The following NALF1 variants were observed in gnomAD, a reference collection of about 807,000 sequenced individuals.
NALF1 encodes family with sequence similarity 155 member A.
A neutral mutation model predicts 48.4 loss-of-function variants in NALF1; 3 were observed. That is an observed-to-expected ratio of 0.06 (90% CI 0.03 to 0.16). NALF1 has a LOEUF of 0.16. Ranked by LOEUF, NALF1 falls within the 10% of genes least tolerant of loss-of-function variation. The probability of loss-of-function intolerance (pLI) is 1.00; values close to 1 mark genes in which losing one functional copy is unlikely to be tolerated. For synonymous variants in NALF1, 262 were observed against 245.7 expected, an observed-to-expected ratio of 1.07 and a Z score of -0.62; for missense variants, 526 against 571.5, an observed-to-expected ratio of 0.92 and a Z score of 0.81.
intron 1 of NALF1, among the ~76,000 whole-genome samples, chr13:107,774,215 T>C (rs1265974203): frequency 6.6e-6 from 1 of 152,216 alleles, no homozygotes. Context: ...TATTTGTATT[T>C]AGGTGCATAG....
rs1453625040 is a variant in NALF1, at chr13:107,166,754, C to G, written c.*3743G>C. 6.6e-6 allele frequency: 1 copy of G among 152,050 alleles called. No individual in the cohort carries two copies. Among genetic ancestry groups the G allele is most frequent in the Non-Finnish European group, 1.5e-5 (1 of 68,006 alleles). The allele number at this position is 152,050 out of a possible 1,614,324, so 9.4% of individuals were successfully genotyped here. A position where few individuals can be genotyped will look rare whatever the true frequency, so the allele number is the denominator to read the frequency against. Reference sequence around the variant, plus strand: ...CTCCTTTCCCCCTCATTCCCCGACTCTATCCCTCCCTTCTTCCCTCCCTCC... The same window carrying G: ...CTCCTTTCCCCCTCATTCCCCGACTGTATCCCTCCCTTCTTCCCTCCCTCC... On this transcript the variant is annotated 3_prime_UTR_variant, in exon 3 of 3. Coordinates refer to ENST00000375915, the MANE Select transcript of NALF1 (RefSeq NM_001080396.3).
At chr13:107,420,747 T>C (rs145618730) in intron 1 of NALF1, among the ~76,000 whole-genome samples, 3 of 152,338 alleles carry the variant, frequency 2.0e-5, no homozygotes, top group African/African-American at 7.2e-5. Context: ...ATGTGCAATT[T>C]TGTTAAATCC....
intron 2 of NALF1, among the ~76,000 whole-genome samples, chr13:107,193,973 A>G (rs1180319362): frequency 6.6e-6 from 1 of 152,042 alleles, no homozygotes; most frequent in Non-Finnish European, 1.5e-5. Flanking sequence ...CCACCAATAC[A>G]TCTTTATATA....
At chr13:107,350,157 C>A (rs1882847916) in intron 1 of NALF1, among the ~76,000 whole-genome samples, 1 of 152,200 alleles carries the variant, frequency 6.6e-6, no homozygotes, top group Non-Finnish European at 1.5e-5. Context: ...TCCTAACAGG[C>A]CACGGACCAA....
intron 1 of NALF1, among the ~76,000 whole-genome samples, chr13:107,659,534 G>A (rs1003209787): frequency 6.6e-6 from 1 of 150,910 alleles, no homozygotes; most frequent in Non-Finnish European, 1.5e-5. Context: ...GAAACATACA[G>A]TAGTCTAACT....
intron 1 of NALF1, among the ~76,000 whole-genome samples, chr13:107,654,753 A>T (rs1222364577): frequency 1.3e-5 from 2 of 152,104 alleles, no homozygotes; most frequent in African/African-American, 2.4e-5. Context: ...TCCTCAATAA[A>T]ATACTAGCAA....
intron 1 of NALF1, among the ~76,000 whole-genome samples, chr13:107,569,443 G>A (rs1205872727): frequency 4.6e-5 from 7 of 151,892 alleles, no homozygotes; most frequent in African/African-American, 1.7e-4. Context: ...CCGCACTCCA[G>A]CCTGGGCGAC....
chr13:107,688,367 T>C (rs553156576), intron 1 of NALF1, among the ~76,000 whole-genome samples: 2 of 152,326 alleles, frequency 1.3e-5, no homozygotes, highest in Admixed American at 6.5e-5. Flanking sequence ...CACGGACATA[T>C]GGTAGGATTT....
intron 1 of NALF1, among the ~76,000 whole-genome samples, chr13:107,857,420 C>T (rs1880465654): frequency 6.6e-6 from 1 of 152,174 alleles, no homozygotes; most frequent in African/African-American, 2.4e-5. Context: ...TGACAGACGA[C>T]ATAACACAAA....
At chr13:107,533,072 T>TA (rs1319961914) in intron 1 of NALF1, among the ~76,000 whole-genome samples, 29 of 152,114 alleles carry the variant, frequency 1.9e-4, no homozygotes, top group African/African-American at 6.8e-4. Context: ...CTTTTTGACT[T>TA]AAACTTTTAT....
At chr13:107,217,215 C>A (rs1594074903) in intron 1 of NALF1, among the ~76,000 whole-genome samples, 1 of 152,186 alleles carries the variant, frequency 6.6e-6, no homozygotes, top group African/African-American at 2.4e-5. Flanking sequence ...GCTGACAAAT[C>A]CAGCTGGAAA....
intron 1 of NALF1, among the ~76,000 whole-genome samples, chr13:107,385,672 T>C (rs946715437): frequency 1.3e-5 from 2 of 151,604 alleles, no homozygotes; most frequent in African/African-American, 4.9e-5. Flanking sequence ...TTTCTTAAAA[T>C]AACAAGGTAT....
chr13:107,565,127 A>AG (rs1877765747), intron 1 of NALF1, among the ~76,000 whole-genome samples: 2 of 151,206 alleles, frequency 1.3e-5, no homozygotes, highest in Admixed American at 1.3e-4. Context: ...AGACATAAAC[A>AG]ACCATTATAA....
At chr13:107,337,499 T>C (rs1172244961) in intron 1 of NALF1, among the ~76,000 whole-genome samples, 1 of 152,162 alleles carries the variant, frequency 6.6e-6, no homozygotes, top group African/African-American at 2.4e-5. Context: ...CGAAATGTAA[T>C]GTGTCCCCTG....
chr13:107,581,914 G>A (rs1048039404), intron 1 of NALF1, among the ~76,000 whole-genome samples: 5 of 151,920 alleles, frequency 3.3e-5, no homozygotes, highest in African/African-American at 9.7e-5. Context: ...CTAGTTCCTC[G>A]CAATTTCAGC....
At chr13:107,514,235 T>C (rs1020253198) in intron 1 of NALF1, among the ~76,000 whole-genome samples, 6 of 152,210 alleles carry the variant, frequency 3.9e-5, no homozygotes, top group Admixed American at 1.3e-4. Context: ...CTCTTCTTAA[T>C]CTCTCTTTTG....
intron 1 of NALF1, among the ~76,000 whole-genome samples, chr13:107,571,463 T>G (rs887553249): frequency 6.6e-6 from 1 of 152,162 alleles, no homozygotes; most frequent in African/African-American, 2.4e-5. Context: ...TTTGGCTTGG[T>G]GTACACATGG....
intron 1 of NALF1, among the ~76,000 whole-genome samples, chr13:107,687,736 A>G (rs775794955): frequency 5.3e-5 from 8 of 152,190 alleles, no homozygotes; most frequent in Non-Finnish European, 1.0e-4. Flanking sequence ...AATACTCTGT[A>G]TAAGTATCAC....
At chr13:107,576,153 G>A (rs978375316) in intron 1 of NALF1, among the ~76,000 whole-genome samples, 1 of 152,146 alleles carries the variant, frequency 6.6e-6, no homozygotes, top group Non-Finnish European at 1.5e-5. Context: ...TTCAGGAAAT[G>A]CGCTCTACCA....
Sources: allele counts gnomAD v4.1 joint callset (sites outside exome capture counted in the v4.1 genomes callset), GRCh38; gene constraint gnomAD v4.1.1; transcripts MANE v1.5; gene names NCBI Gene and HGNC (gene_info 2026-07-23, HGNC 2026-07-21).